The following ASPRV1 variants were observed in gnomAD, a reference collection of about 807,000 sequenced individuals.
The protein encoded by ASPRV1 is retroviral-like aspartic protease 1.
Under a neutral mutation model 11.0 loss-of-function variants are expected in ASPRV1, and 7 were observed. The ratio of observed to expected loss-of-function variants is 0.64; its 90% confidence interval spans 0.36 to 1.20. The LOEUF is 1.20. Ranked by LOEUF, ASPRV1 falls within the 50% of genes most tolerant of loss-of-function variation. The pLI is 0.02. For synonymous variants in ASPRV1, 136 were observed against 138.4 expected (o/e 0.98, Z 0.12); for missense variants, 299 against 320.0 (o/e 0.93, Z 0.50).
At chr2:69,983,733 C>T in the ASPRV1 span, among the ~76,000 whole-genome samples, 1,962 of 152,262 alleles carry the variant, frequency 0.013, 47 homozygotes, top group African/African-American at 0.045. Flanking sequence ...TTCTCATGTG[C>T]GGTGGTCAAC....
At chr2:70,020,969 C>T in the ASPRV1 span, among the ~76,000 whole-genome samples, 1 of 152,102 alleles carries the variant, frequency 6.6e-6, no homozygotes, top group Non-Finnish European at 1.5e-5. Context: ...CTCAATACTA[C>T]TGAACAGTAT....
chr2:69,977,308 A>C, the ASPRV1 span, among the ~76,000 whole-genome samples: 1 of 152,252 alleles, frequency 6.6e-6, no homozygotes, highest in Non-Finnish European at 1.5e-5. Flanking sequence ...AGCACATTTA[A>C]GTAAACAACA....
At chr2:70,043,637 T>G in the ASPRV1 span, among the ~76,000 whole-genome samples, 1 of 152,256 alleles carries the variant, frequency 6.6e-6, no homozygotes, top group Non-Finnish European at 1.5e-5. Context: ...AAGTTGTCCG[T>G]GACCACCAGC....
At chr2:70,008,760 C>T in the ASPRV1 span, among the ~76,000 whole-genome samples, 1 of 152,094 alleles carries the variant, frequency 6.6e-6, no homozygotes, top group Non-Finnish European at 1.5e-5. Context: ...GCTAGCCCTA[C>T]CATATGACTG....
chr2:70,023,139 G>A, the ASPRV1 span, among the ~76,000 whole-genome samples: 3 of 152,194 alleles, frequency 2.0e-5, no homozygotes, highest in Admixed American at 1.3e-4. Context: ...GGCAGGGCCT[G>A]ATAAGTAGTC....
chr2:69,943,774 G>A, the ASPRV1 span, among the ~76,000 whole-genome samples: 3 of 152,100 alleles, frequency 2.0e-5, no homozygotes, highest in African/African-American at 4.8e-5. Flanking sequence ...TCTCATTGGC[G>A]CTCAAGTCCT....
the ASPRV1 span, among the ~76,000 whole-genome samples, chr2:69,969,659 C>T: frequency 6.6e-6 from 1 of 152,130 alleles, no homozygotes; most frequent in South Asian, 2.1e-4. Flanking sequence ...CCCCACTGCC[C>T]CAGCTGCCCA....
chr2:69,938,440 A>G, the ASPRV1 span: 1 of 714,870 alleles, frequency 1.4e-6, no homozygotes, highest in Non-Finnish European at 2.3e-6. Flanking sequence ...GGTGCTTAGG[A>G]TTGTGGGTTT....
the ASPRV1 span, among the ~76,000 whole-genome samples, chr2:69,943,830 T>C: frequency 6.6e-6 from 1 of 152,218 alleles, no homozygotes; most frequent in Non-Finnish European, 1.5e-5. Context: ...CTGTTTTTGT[T>C]ACACCAGGAG....
chr2:69,944,530 G>GT, the ASPRV1 span, among the ~76,000 whole-genome samples: 1 of 152,350 alleles, frequency 6.6e-6, no homozygotes, highest in East Asian at 1.9e-4. Flanking sequence ...CACAGAGCTA[G>GT]TGAGGGGTGG....
chr2:70,034,148 A>ATG, the ASPRV1 span, among the ~76,000 whole-genome samples: 1 of 103,214 alleles, frequency 9.7e-6, no homozygotes, highest in Admixed American at 1.2e-4. Context: ...GCGAGACTCC[A>ATG]TCTCATAAAA....
chr2:70,069,927 A>C, the ASPRV1 span, among the ~76,000 whole-genome samples: 1 of 152,190 alleles, frequency 6.6e-6, no homozygotes, highest in African/African-American at 2.4e-5. Flanking sequence ...TAAGTTTTTA[A>C]GTCTAAAAGG....
chr2:70,021,476 G>A, the ASPRV1 span, among the ~76,000 whole-genome samples: 12 of 151,242 alleles, frequency 7.9e-5, no homozygotes, highest in East Asian at 3.9e-4. Flanking sequence ...ACACTGCCAC[G>A]CCCGGCTAAT....
chr2:69,968,915 C>T, the ASPRV1 span, among the ~76,000 whole-genome samples: 1 of 152,228 alleles, frequency 6.6e-6, no homozygotes, highest in Admixed American at 6.5e-5. Context: ...CCTCCCGCCT[C>T]GTGTCATGTA....
chr2:69,934,439 T>C, the ASPRV1 span, among the ~76,000 whole-genome samples: 3 of 152,252 alleles, frequency 2.0e-5, no homozygotes, highest in African/African-American at 7.2e-5. Flanking sequence ...TTGCCGTGGC[T>C]GCTGCTTCAT....
chr2:70,060,371 A>T, the ASPRV1 span, among the ~76,000 whole-genome samples: 1 of 151,262 alleles, frequency 6.6e-6, no homozygotes, highest in Non-Finnish European at 1.5e-5. Context: ...CCTATTAAAG[A>T]GGACAAAGTG....
the ASPRV1 span, among the ~76,000 whole-genome samples, chr2:70,006,673 A>G: frequency 1.3e-5 from 2 of 152,208 alleles, no homozygotes; most frequent in African/African-American, 4.8e-5. Context: ...ATAGAGCCTC[A>G]GGGTACAAGA....
chr2:69,947,324 C>A, the ASPRV1 span, among the ~76,000 whole-genome samples: 1,237 of 152,258 alleles, frequency 8.1e-3, 26 homozygotes, highest in African/African-American at 0.028. Context: ...GAAAAGTATT[C>A]TTTTGGAACT....
the ASPRV1 span, among the ~76,000 whole-genome samples, chr2:69,971,782 C>A: frequency 6.6e-6 from 1 of 152,178 alleles, no homozygotes; most frequent in African/African-American, 2.4e-5. Context: ...GAACTTGCAT[C>A]ATCTGGGGGA....
Sources: gnomAD v4.1 joint callset for allele counts (sites outside exome capture counted in the v4.1 genomes callset) on GRCh38, gnomAD v4.1.1 for gene constraint, MANE v1.5 for transcripts, NCBI Gene and HGNC (gene_info 2026-07-23, HGNC 2026-07-21) for gene names.